The following S100PBP variants were observed in gnomAD, a reference collection of about 807,000 sequenced individuals.
The protein encoded by S100PBP is S100P-binding protein.
S100PBP carries 15 observed loss-of-function variants against 39.9 expected under a neutral mutation model. The ratio of observed to expected loss-of-function variants is 0.38; its 90% CI spans 0.25 to 0.58. S100PBP has a LOEUF of 0.58. Among genes scored for constraint, S100PBP ranks in the 20% least tolerant of loss-of-function variants. The pLI, the probability that S100PBP is intolerant of heterozygous loss-of-function variation, is 0.70. For missense variants in S100PBP, 504 were observed against 487.3 expected (o/e 1.03, Z -0.32); for synonymous variants, 178 against 180.3 (o/e 0.99, Z 0.10).
chr1:32,824,563 C>CT (rs887324710), intron 1 of S100PBP, among the ~76,000 whole-genome samples: 73 of 145,336 alleles, frequency 5.0e-4, no homozygotes, highest in Admixed American at 5.5e-4. Context: ...TTGTTTGTAT[C>CT]TTTTTTTTTT....
At chr1:32,849,620 G>C (rs982707479) in intron 5 of S100PBP, among the ~76,000 whole-genome samples, 4 of 152,192 alleles carry the variant, frequency 2.6e-5, no homozygotes, top group African/African-American at 9.7e-5. Flanking sequence ...CTAACAATAA[G>C]TTAGTTATTA....
At chr1:32,850,105 T>A (rs1048440021) in intron 5 of S100PBP, among the ~76,000 whole-genome samples, 1 of 152,224 alleles carries the variant, frequency 6.6e-6, no homozygotes, top group Non-Finnish European at 1.5e-5. Context: ...TTCTCATCAT[T>A]TAATGTGAAT....
intron 1 of S100PBP, among the ~76,000 whole-genome samples, chr1:32,820,144 C>CTTTTTTTTTTTTTTTTTTT (rs5773387): frequency 9.5e-6 from 1 of 104,828 alleles, no homozygotes; most frequent in African/African-American, 3.9e-5. Flanking sequence ...CGTTCCTATG[C>CTTTTTTTTTTTTTTTTTTT]TTTTTTTTTT....
At position 32,826,275 on chromosome 1, in the gene S100PBP, A is replaced by G. The variant is rs1027848005; in HGVS notation, c.176A>G (p.Asp59Gly). The change falls in exon 3 of 7, where the codon GAT (aspartate) becomes GGT (glycine). Residue 59 changes from aspartate (D) to glycine (G), a missense_variant. Transcript: ENST00000373475. ...GDVNYTEEEI[D>G]ALLKEDDPSY... Reference sequence around the variant, plus strand: ...GTAAATTACACAGAGGAAGAGATTGATGCACTGTTGAAGGAAGATGACCCA... The same window carrying G: ...GTAAATTACACAGAGGAAGAGATTGGTGCACTGTTGAAGGAAGATGACCCA... 8 of 1,614,166 alleles carry G rather than the reference A, an allele frequency of 5.0e-6. No homozygotes were observed. The South Asian group carries it at 5.5e-5, about 11-fold the overall frequency.
At chr1:32,852,375 T>C (rs1640646717) in intron 5 of S100PBP, among the ~76,000 whole-genome samples, 2 of 152,278 alleles carry the variant, frequency 1.3e-5, no homozygotes, top group African/African-American at 4.8e-5. Flanking sequence ...TGAAATGATA[T>C]TAATAACATC....
rs112659390 is a variant in S100PBP at position 32,836,522 on chromosome 1, T to G, written c.1024+6455T>G. ...ATTGTTTTTGTGTCCCAACTAAGTA[T>G]TGTTCACTGAAAAGCCAAGTAGTAT... On this transcript the variant is annotated intron_variant, in intron 5 of 6. Coordinates refer to ENST00000373475, the MANE Select transcript of S100PBP (RefSeq NM_022753.4). 4.1e-3 allele frequency: 3,969 copies of G among 976,410 alleles called. 12 individuals carry two copies. Among genetic ancestry groups the G allele is most frequent in the Non-Finnish European group, 4.4e-3 (3,602 of 821,704 alleles). 60.5% of individuals were successfully genotyped at this position (976,410 alleles called of 1,614,324 possible). A position where few individuals can be genotyped will look rare whatever the true frequency, so the allele number is the denominator to read the frequency against.
chr1:32,826,971 A>G, intron 3 of S100PBP, 41 bp downstream of exon 3: 1 of 1,367,322 alleles, frequency 7.3e-7, no homozygotes, highest in Non-Finnish European at 9.9e-7. Flanking sequence ...AAATGAAATT[A>G]TTTTTATTCA....
chr1:32,839,788 G>A (rs1299366015), intron 5 of S100PBP, among the ~76,000 whole-genome samples: 1 of 152,086 alleles, frequency 6.6e-6, no homozygotes, highest in Non-Finnish European at 1.5e-5. Flanking sequence ...GGGATTATAG[G>A]TGTGTACCAC....
At chr1:32,840,291 T>G (rs577384357) in intron 5 of S100PBP, among the ~76,000 whole-genome samples, 3 of 151,668 alleles carry the variant, frequency 2.0e-5, no homozygotes, top group African/African-American at 7.3e-5. Context: ...CGGCCTAATT[T>G]TTTGTATTTT....
At chr1:32,843,947 T>C (rs979042188) in intron 5 of S100PBP, among the ~76,000 whole-genome samples, 61 of 151,988 alleles carry the variant, frequency 4.0e-4, no homozygotes, top group African/African-American at 1.4e-3. Flanking sequence ...GGAGTCTCGC[T>C]GTGTCACCCA....
At chr1:32,830,444 T>C (rs903129572) in intron 5 of S100PBP, among the ~76,000 whole-genome samples, 3 of 152,240 alleles carry the variant, frequency 2.0e-5, no homozygotes, top group African/African-American at 7.2e-5. Flanking sequence ...TTATTTCTCC[T>C]GTTACCTTCA....
upstream of S100PBP, chr1:32,816,962 C>G (rs927236942): frequency 2.6e-5 from 16 of 617,496 alleles, no homozygotes; most frequent in Non-Finnish European, 4.6e-5. Context: ...GGCTCCAACA[C>G]AAGACAACTG....
At position 32,842,236 on chromosome 1, in the gene S100PBP, T is replaced by TATATATACACACAC. The variant is rs372174677; in HGVS notation, c.1025-10842_1025-10841insTATATACACACACA. Among the ~76,000 whole-genome samples the TATATATACACACAC allele has an allele frequency of 3.0e-4, 24 of 80,870 alleles. No individual in the cohort carries two copies. The South Asian group carries it at 3.5e-3, about 12-fold the overall frequency. 53.1% of individuals were successfully genotyped at this position (80,870 alleles called of 152,430 possible). ...ATATATATATGTATATATATATATATACACACACACACACACACACACACA... is the reference window on the plus strand; with the variant it reads ...ATATATATATGTATATATATATATATATATATACACACACACACACACACACACACACACACACA... On this transcript the variant is annotated intron_variant, in intron 5 of 6. Transcript: ENST00000373475.
rs550436143 is a variant in S100PBP at position 32,824,150 on chromosome 1, A to G, written c.-119-1163A>G. On this transcript the variant is annotated intron_variant, in intron 1 of 6. Transcript: ENST00000373475. ...GAGGCGGAGCTTGCAGTGAGCCAAG[A>G]TCGCAAGATCGTGCCACTGCACTCT... 2.0e-3 allele frequency among the ~76,000 whole-genome samples: 305 copies of G among 151,498 alleles called. 2 individuals carry two copies. The highest frequency in any genetic ancestry group is 3.4e-3 in the Middle Eastern group (1 of 292).
Position 32,823,936 on chromosome 1 carries a change from C to T in S100PBP, c.-119-1377C>T, listed in dbSNP as rs548127218. ...GAACTAGGCTGGGTGCAGTGGCTCA[C>T]GCCTATAATCCCAGCACTTTGGGAG... On this transcript the variant is annotated intron_variant, in intron 1 of 6. Coordinates refer to ENST00000373475, the MANE Select transcript of S100PBP (RefSeq NM_022753.4). Among the ~76,000 whole-genome samples the T allele has an allele frequency of 1.8e-3, 270 of 152,296 alleles. 2 individuals are homozygous for T. The highest frequency in any genetic ancestry group is 3.5e-3 in the Non-Finnish European group (236 of 68,026).
At chr1:32,845,835 G>A (rs1640345005) in intron 5 of S100PBP, among the ~76,000 whole-genome samples, 1 of 149,854 alleles carries the variant, frequency 6.7e-6, no homozygotes, top group South Asian at 2.1e-4. Context: ...GTGCCGCCAA[G>A]CCTGGCTAAT....
intron 3 of S100PBP, among the ~76,000 whole-genome samples, chr1:32,827,180 C>T (rs992312070): frequency 6.6e-6 from 1 of 152,072 alleles, no homozygotes; most frequent in Non-Finnish European, 1.5e-5. Flanking sequence ...CATTTCTTAT[C>T]TAAATTGGAG....
intron 5 of S100PBP, among the ~76,000 whole-genome samples, chr1:32,851,412 T>TTACA (rs1300597674): frequency 6.6e-6 from 1 of 152,158 alleles, no homozygotes; most frequent in Non-Finnish European, 1.5e-5. Flanking sequence ...ACGCCTGTAA[T>TTACA]CCCAGCACTT....
chr1:32,855,854 C>CT (rs935291542), intron 6 of S100PBP, 70 bp from the exon 7 acceptor site: 6 of 906,972 alleles, frequency 6.6e-6, no homozygotes, highest in East Asian at 2.7e-5. Flanking sequence ...TTGTGCTGGC[C>CT]TTTTTTTGTG....
Sources: allele counts gnomAD v4.1 joint callset (sites outside exome capture counted in the v4.1 genomes callset), GRCh38; gene constraint gnomAD v4.1.1; transcripts MANE v1.5; gene names NCBI Gene and HGNC (gene_info 2026-07-23, HGNC 2026-07-21).